Variants in MED27 observed in about 807,000 individuals in gnomAD.
The protein encoded by MED27 is mediator of RNA polymerase II transcription subunit 27.
In MED27, 30 loss-of-function variants were observed where a neutral mutation model predicts 38.2. The ratio of observed to expected loss-of-function variants is 0.79; its 90% CI spans 0.59 to 1.07. The LOEUF is 1.07. Among genes scored for constraint, MED27 ranks in the 50% least tolerant of loss-of-function variants. MED27 has a pLI of 0.00. For synonymous variants in MED27, 122 were observed against 153.5 expected, an observed-to-expected ratio of 0.79 and a Z score of 1.52; for missense variants, 289 against 397.5, an observed-to-expected ratio of 0.73 and a Z score of 2.32.
chr9:131,870,705 A>G (rs1838816772), intron 6 of MED27, among the ~76,000 whole-genome samples: 1 of 152,082 alleles, frequency 6.6e-6, no homozygotes, highest in Non-Finnish European at 1.5e-5. Context: ...TCCTCCCCAG[A>G]AGGGACTGGA....
intron 2 of MED27, among the ~76,000 whole-genome samples, chr9:132,050,064 C>T (rs1320346234): frequency 6.6e-6 from 1 of 151,970 alleles, no homozygotes; most frequent in Non-Finnish European, 1.5e-5. Flanking sequence ...CAACAAATAT[C>T]AGGGCGTTGC....
At chr9:131,991,530 TG>T (rs1831972589) in intron 3 of MED27, among the ~76,000 whole-genome samples, 1 of 152,166 alleles carries the variant, frequency 6.6e-6, no homozygotes, top group African/African-American at 2.4e-5. Flanking sequence ...CTCATAAAGC[TG>T]TGATATTTTT....
At chr9:132,074,318 C>T (rs1421471737) in intron 2 of MED27, among the ~76,000 whole-genome samples, 4 of 152,192 alleles carry the variant, frequency 2.6e-5, no homozygotes, top group African/African-American at 9.7e-5. Context: ...ACTGACTTTA[C>T]AAAAATTACA....
Position 131,955,285 on chromosome 9 carries a change from G to T in MED27, c.480-15811C>A, listed in dbSNP as rs1429740411. 2.0e-5 allele frequency among the ~76,000 whole-genome samples: 3 copies of T among 151,726 alleles called. No homozygotes were observed. In the East Asian group the frequency reaches 5.8e-4, roughly 29 times the overall value. On this transcript the variant is annotated intron_variant, in intron 3 of 7. Transcript: ENST00000292035. Reference sequence around the variant, plus strand: ...ATGCAGCTAAAACCATGCTCAGAGGGAAATTTATAGTTTTTAAAAGCCTAT... The same window carrying T: ...ATGCAGCTAAAACCATGCTCAGAGGTAAATTTATAGTTTTTAAAAGCCTAT...
At chr9:132,065,864 T>A (rs1397200884) in intron 2 of MED27, among the ~76,000 whole-genome samples, 1 of 152,224 alleles carries the variant, frequency 6.6e-6, no homozygotes, top group African/African-American at 2.4e-5. Flanking sequence ...CCTCTCTGCT[T>A]TTCTGGACAT....
At chr9:131,968,849 C>T (rs1397083074) in intron 3 of MED27, among the ~76,000 whole-genome samples, 1 of 152,180 alleles carries the variant, frequency 6.6e-6, no homozygotes, top group African/African-American at 2.4e-5. Context: ...TTATTGCTCA[C>T]ATTACTGAGC....
intron 3 of MED27, among the ~76,000 whole-genome samples, chr9:132,008,664 C>T (rs550148847): frequency 1.3e-5 from 2 of 152,318 alleles, no homozygotes; most frequent in South Asian, 2.1e-4. Flanking sequence ...AAAACAAACA[C>T]ATCGTACACA....
chr9:132,000,227 G>T (rs1452320047), intron 3 of MED27, among the ~76,000 whole-genome samples: 1 of 151,758 alleles, frequency 6.6e-6, no homozygotes, highest in Non-Finnish European at 1.5e-5. Context: ...AAAGATATAC[G>T]GATGGCAAAT....
At chr9:131,951,471 C>G (rs970946670) in intron 3 of MED27, among the ~76,000 whole-genome samples, 1 of 152,242 alleles carries the variant, frequency 6.6e-6, no homozygotes, top group Non-Finnish European at 1.5e-5. Context: ...TGCACGTGGA[C>G]TCCTTACAAC....
intron 3 of MED27, among the ~76,000 whole-genome samples, chr9:131,947,176 T>C (rs1194073418): frequency 6.6e-6 from 1 of 152,054 alleles, no homozygotes; most frequent in East Asian, 1.9e-4. Flanking sequence ...ACAACTACAA[T>C]ACAAAGTTCT....
intron 3 of MED27, among the ~76,000 whole-genome samples, chr9:132,004,040 T>C (rs1832299789): frequency 6.6e-6 from 1 of 152,058 alleles, no homozygotes; most frequent in Non-Finnish European, 1.5e-5. Context: ...CCACCAGGAC[T>C]TCCTCCTAGC....
chr9:132,036,492 G>A (rs1833080603), intron 2 of MED27, among the ~76,000 whole-genome samples: 1 of 152,210 alleles, frequency 6.6e-6, no homozygotes, highest in South Asian at 2.1e-4. Context: ...GTGAGCCACT[G>A]CGTCTGGCCG....
chr9:131,933,378 A>C (rs1281752890), intron 4 of MED27, among the ~76,000 whole-genome samples: 2 of 152,186 alleles, frequency 1.3e-5, no homozygotes, highest in African/African-American at 2.4e-5. Flanking sequence ...CTGCCAAAAA[A>C]CCATTAGAAC....
At chr9:132,026,962 G>A (rs186190501) in intron 2 of MED27, among the ~76,000 whole-genome samples, 10 of 152,294 alleles carry the variant, frequency 6.6e-5, no homozygotes, top group Admixed American at 3.3e-4. Context: ...ACTGGTATCC[G>A]GGGAGCCTGG....
At chr9:132,062,686 C>G (rs979834733) in intron 2 of MED27, among the ~76,000 whole-genome samples, 5 of 151,698 alleles carry the variant, frequency 3.3e-5, no homozygotes, top group Non-Finnish European at 7.4e-5. Flanking sequence ...GGGGTGATCA[C>G]AGCTCACTAT....
intron 3 of MED27, among the ~76,000 whole-genome samples, chr9:131,988,362 C>T (rs550914404): frequency 3.3e-5 from 5 of 152,136 alleles, no homozygotes; most frequent in South Asian, 2.1e-4. Context: ...CCTTGAACAA[C>T]GAGGGTTTGA....
intron 2 of MED27, among the ~76,000 whole-genome samples, chr9:132,054,454 C>T (rs1480530799): frequency 6.6e-6 from 1 of 152,218 alleles, no homozygotes; most frequent in South Asian, 2.1e-4. Context: ...GAGTCTCACT[C>T]TATTACCCAG....
At chr9:131,924,817 A>C (rs1008583952) in intron 4 of MED27, among the ~76,000 whole-genome samples, 7 of 152,178 alleles carry the variant, frequency 4.6e-5, no homozygotes, top group African/African-American at 1.7e-4. Context: ...CTATTTTTCC[A>C]CATCATCACC....
chr9:131,923,783 C>A (rs1380885937), intron 4 of MED27, among the ~76,000 whole-genome samples: 1 of 152,190 alleles, frequency 6.6e-6, no homozygotes, highest in Non-Finnish European at 1.5e-5. Context: ...CTTCAGGTTT[C>A]TCTTTCCTGT....
Sources: gnomAD v4.1 joint callset for allele counts (sites outside exome capture counted in the v4.1 genomes callset) on GRCh38, gnomAD v4.1.1 for gene constraint, MANE v1.5 for transcripts, NCBI Gene and HGNC (gene_info 2026-07-23, HGNC 2026-07-21) for gene names.